The following PRKCB variants were observed in gnomAD, a reference collection of about 807,000 sequenced individuals.
PRKCB encodes the protein protein kinase C beta, also known as protein kinase C beta type.
In PRKCB, 13 loss-of-function variants were observed where a neutral mutation model predicts 81.5. The ratio of observed to expected loss-of-function variants is 0.16; its 90% CI spans 0.10 to 0.25. The LOEUF (loss-of-function observed/expected upper bound fraction) is 0.25. PRKCB is among the 10% of genes least tolerant of loss of function. The probability of loss-of-function intolerance (pLI) is 1.00; values close to 1 mark genes in which losing one functional copy is unlikely to be tolerated. For missense variants in PRKCB, 509 were observed against 875.7 expected (o/e 0.58, Z 5.29); for synonymous variants, 335 against 321.4 (o/e 1.04, Z -0.45).
intron 5 of PRKCB, 30 bp from the exon 6 acceptor site, chr16:24,092,761 T>G: frequency 1.9e-6 from 3 of 1,607,844 alleles, no homozygotes; most frequent in Non-Finnish European, 2.5e-6. Flanking sequence ...TTGGACAGTA[T>G]TAATGCAAAA....
In PRKCB at chr16:23,995,362, A is replaced by T. The variant is rs138875877; in HGVS notation, c.288+6772A>T. 2.9e-3 allele frequency among the ~76,000 whole-genome samples: 436 copies of T among 152,342 alleles called. 6 individuals carry two copies. Among genetic ancestry groups the T allele is most frequent in the African/African-American group, 9.9e-3 (412 of 41,590 alleles). On this transcript the variant is annotated intron_variant, in intron 3 of 16. Transcript: ENST00000643927. ...TGCCACTTGGGCCATCTGACCCAGC[A>T]AATCCAATGGTGGTTGGTTAGTGGC...
chr16:24,193,570 C>T (rs916899050), intron 16 of PRKCB, among the ~76,000 whole-genome samples: 2 of 152,070 alleles, frequency 1.3e-5, no homozygotes, highest in African/African-American at 4.8e-5. Context: ...AAACCTCAGC[C>T]TCCCAAAGTA....
chr16:23,970,085 G>C (rs1160882516), intron 2 of PRKCB, among the ~76,000 whole-genome samples: 2 of 152,210 alleles, frequency 1.3e-5, no homozygotes, highest in African/African-American at 4.8e-5. Flanking sequence ...AAGCAAAAGA[G>C]ATTTCAAAGT....
At chr16:24,132,116 T>G (rs1295912412) in intron 9 of PRKCB, among the ~76,000 whole-genome samples, 3 of 152,190 alleles carry the variant, frequency 2.0e-5, no homozygotes, top group Non-Finnish European at 4.4e-5. Flanking sequence ...TTTGGAGATT[T>G]TCTACCTTCA....
chr16:24,117,066 C>G (rs198197), intron 8 of PRKCB, among the ~76,000 whole-genome samples: 100,307 of 151,710 alleles, frequency 0.66, 34,863 homozygotes, highest in African/African-American at 0.89. Context: ...GCATACTGTA[C>G]TTGTTGATTT....
chr16:23,996,771 C>T (rs1964962597), intron 3 of PRKCB, among the ~76,000 whole-genome samples: 1 of 152,220 alleles, frequency 6.6e-6, no homozygotes, highest in Admixed American at 6.5e-5. Context: ...TGTTCCCCAT[C>T]ATTCTGAAGC....
chr16:24,212,116 T>G (rs565966068), intron 16 of PRKCB, among the ~76,000 whole-genome samples: 1 of 152,280 alleles, frequency 6.6e-6, no homozygotes, highest in African/African-American at 2.4e-5. Context: ...CTATTTGACC[T>G]CTGAAAGATA....
intron 2 of PRKCB, among the ~76,000 whole-genome samples, chr16:23,936,147 T>C (rs1347801590): frequency 6.6e-6 from 1 of 152,066 alleles, no homozygotes; most frequent in Non-Finnish European, 1.5e-5. Flanking sequence ...TCACCCCCTT[T>C]GTTGTCACAC....
Position 23,976,331 on chromosome 16 carries a change from G to A in PRKCB, c.206-12177G>A, listed in dbSNP as rs78388769. Reference sequence around the variant, plus strand: ...CCACAAAAACCGCCCCCCCAAAAACGGATGGCAGATGCAAATTTATTCCCT... The same window carrying A: ...CCACAAAAACCGCCCCCCCAAAAACAGATGGCAGATGCAAATTTATTCCCT... On this transcript the variant is annotated intron_variant, in intron 2 of 16. Transcript: ENST00000643927. Among the ~76,000 whole-genome samples the A allele has an allele frequency of 1.1e-4, 16 of 151,982 alleles. No homozygotes were observed. The East Asian group carries it at 1.2e-3, about 11-fold the overall frequency.
intron 9 of PRKCB, among the ~76,000 whole-genome samples, chr16:24,130,469 A>T (rs1451089311): frequency 6.6e-6 from 1 of 152,072 alleles, no homozygotes; most frequent in Non-Finnish European, 1.5e-5. Context: ...CCTGGCCCCC[A>T]CCCCCAAAAT....
intron 10 of PRKCB, among the ~76,000 whole-genome samples, chr16:24,167,142 TA>T (rs10715574): frequency 0.31 from 43,189 of 140,392 alleles, 6,225 homozygotes; most frequent in South Asian, 0.47. Flanking sequence ...TGTTTTCTAT[TA>T]AAAAAAAAAA....
At chr16:24,141,665 A>G (rs577283681) in intron 9 of PRKCB, among the ~76,000 whole-genome samples, 10 of 152,340 alleles carry the variant, frequency 6.6e-5, no homozygotes, top group African/African-American at 2.4e-4. Context: ...ACCAGGGTAC[A>G]TAGTTCCTTT....
chr16:24,055,607 C>T (rs1222524266), intron 5 of PRKCB, among the ~76,000 whole-genome samples: 1 of 152,216 alleles, frequency 6.6e-6, no homozygotes, highest in Non-Finnish European at 1.5e-5. Flanking sequence ...CAGACGAATC[C>T]ACTGTCTTAG....
chr16:23,922,966 C>T (rs1963847533), intron 2 of PRKCB, among the ~76,000 whole-genome samples: 2 of 152,182 alleles, frequency 1.3e-5, no homozygotes, highest in East Asian at 1.9e-4. Flanking sequence ...TCTGTCTGTT[C>T]TTTAGAGTTA....
At chr16:24,038,340 G>A (rs1218634029) in intron 5 of PRKCB, among the ~76,000 whole-genome samples, 3 of 152,198 alleles carry the variant, frequency 2.0e-5, no homozygotes, top group Non-Finnish European at 4.4e-5. Flanking sequence ...GCATATTGTA[G>A]GATTTCATTT....
At chr16:23,986,118 A>G (rs1412186193) in intron 2 of PRKCB, among the ~76,000 whole-genome samples, 1 of 152,114 alleles carries the variant, frequency 6.6e-6, no homozygotes, top group Non-Finnish European at 1.5e-5. Context: ...GTACAAAAAA[A>G]CTCCAAAGAG....
intron 2 of PRKCB, among the ~76,000 whole-genome samples, chr16:23,867,402 G>A (rs542240529): frequency 2.6e-5 from 4 of 152,310 alleles, no homozygotes; most frequent in Non-Finnish European, 4.4e-5. Context: ...GATTACAGGC[G>A]TGAGCCGCTA....
At chr16:23,945,753 AAAAAC>A (rs1355569068) in intron 2 of PRKCB, among the ~76,000 whole-genome samples, 1 of 111,094 alleles carries the variant, frequency 9.0e-6, no homozygotes, top group African/African-American at 3.3e-5. Flanking sequence ...AAAAGAAAAC[AAAAAC>A]AAAACAAAAC....
chr16:24,211,830 G>C (rs1217057440), intron 16 of PRKCB, among the ~76,000 whole-genome samples: 2 of 152,088 alleles, frequency 1.3e-5, no homozygotes, highest in Non-Finnish European at 2.9e-5. Context: ...AAAGTTCAGG[G>C]ATTACAGGCA....
Sources: gnomAD v4.1 joint callset for allele counts (sites outside exome capture counted in the v4.1 genomes callset) on GRCh38, gnomAD v4.1.1 for gene constraint, MANE v1.5 for transcripts, NCBI Gene and HGNC (gene_info 2026-07-23, HGNC 2026-07-21) for gene names.